Variants in VOPP1 observed in about 807,000 individuals in gnomAD.
VOPP1 encodes the protein WW domain binding protein VOPP1.
VOPP1 carries 8 observed loss-of-function variants against 23.5 expected under a neutral mutation model. That is an observed-to-expected ratio of 0.34 (90% CI 0.20 to 0.61). The LOEUF is 0.61. Among genes scored for constraint, VOPP1 ranks in the 20% least tolerant of loss-of-function variants. The pLI is 0.78. For synonymous variants in VOPP1, 83 were observed against 97.3 expected (o/e 0.85, Z 0.86); for missense variants, 174 against 238.1 (o/e 0.73, Z 1.77).
At chr7:55,532,384 G>A (rs951654911) in intron 1 of VOPP1, among the ~76,000 whole-genome samples, 1 of 152,194 alleles carries the variant, frequency 6.6e-6, no homozygotes, top group African/African-American at 2.4e-5. Flanking sequence ...ATGAAACAGT[G>A]TATGCGAACC....
intron 1 of VOPP1, among the ~76,000 whole-genome samples, chr7:55,558,235 A>C (rs745436259): frequency 1.1e-4 from 16 of 152,156 alleles, no homozygotes; most frequent in Non-Finnish European, 2.1e-4. Flanking sequence ...AATAATAACC[A>C]GACAGCAGGA....
Position 55,471,917 on chromosome 7 carries a change from C to T in VOPP1, c.*938G>A, listed in dbSNP as rs1791850458. 1 of 152,172 alleles carries T rather than the reference C, an allele frequency of 6.6e-6. No individual in the cohort carries two copies. The highest frequency in any genetic ancestry group is 2.4e-5 in the African/African-American group (1 of 41,404). The allele number at this position is 152,172 out of a possible 1,614,324, so 9.4% of individuals were successfully genotyped here. A position where few individuals can be genotyped will look rare whatever the true frequency, so the allele number is the denominator to read the frequency against. ...CCAGATGTGCCCCGTTTTGAAAGCACCCTTCAGAACCCACCACTGGAGCTG... is the reference window on the plus strand; with the variant it reads ...CCAGATGTGCCCCGTTTTGAAAGCATCCTTCAGAACCCACCACTGGAGCTG... On this transcript the variant is annotated 3_prime_UTR_variant, in exon 5 of 5. Coordinates refer to ENST00000285279, the MANE Select transcript of VOPP1 (RefSeq NM_030796.5).
At chr7:55,570,804 T>C (rs1175704098) in intron 1 of VOPP1, among the ~76,000 whole-genome samples, 1 of 151,992 alleles carries the variant, frequency 6.6e-6, no homozygotes, top group Non-Finnish European at 1.5e-5. Context: ...TAGCCGGGCA[T>C]AGTGGTGGGC....
chr7:55,436,617 AGTGTGTGTGT>A, intron 4 of VOPP1, among the ~76,000 whole-genome samples: 1 of 146,542 alleles, frequency 6.8e-6, no homozygotes, highest in African/African-American at 2.5e-5. Flanking sequence ...TGTGTGCATG[AGTGTGTGTGT>A]GTGCGTGTGT....
At chr7:55,536,255 G>A (rs1487680590) in intron 1 of VOPP1, among the ~76,000 whole-genome samples, 2 of 152,228 alleles carry the variant, frequency 1.3e-5, no homozygotes, top group African/African-American at 2.4e-5. Context: ...AAGGCCGGGC[G>A]TGGTGGCTCA....
chr7:55,464,474 A>T (rs1246202345), intron 4 of VOPP1, among the ~76,000 whole-genome samples: 1 of 152,036 alleles, frequency 6.6e-6, no homozygotes, highest in Non-Finnish European at 1.5e-5. Context: ...CTGCTGCTGG[A>T]AGTTGGGGGA....
intron 4 of VOPP1, among the ~76,000 whole-genome samples, chr7:55,440,732 C>T (rs1447708524): frequency 6.6e-6 from 1 of 152,252 alleles, no homozygotes; most frequent in Non-Finnish European, 1.5e-5. Context: ...TGGGCCTGCA[C>T]ACAGACCTGC....
intron 4 of VOPP1, among the ~76,000 whole-genome samples, chr7:55,458,017 G>C (rs1345172444): frequency 6.6e-6 from 1 of 152,068 alleles, no homozygotes; most frequent in Admixed American, 6.5e-5. Flanking sequence ...CCTATGTCCT[G>C]AAACATTTCC....
At chr7:55,474,334 A>C (rs1583840268) in intron 4 of VOPP1, among the ~76,000 whole-genome samples, 1 of 152,234 alleles carries the variant, frequency 6.6e-6, no homozygotes, top group African/African-American at 2.4e-5. Flanking sequence ...TGTTTTATTT[A>C]GATCTGGATC....
intron 4 of VOPP1, among the ~76,000 whole-genome samples, chr7:55,475,611 G>A (rs1272002005): frequency 6.6e-6 from 1 of 152,180 alleles, no homozygotes; most frequent in African/African-American, 2.4e-5. Flanking sequence ...ACAGCCAGGA[G>A]CAAGGGGACT....
At chr7:55,495,064 G>C (rs962640002) in intron 3 of VOPP1, among the ~76,000 whole-genome samples, 1 of 151,190 alleles carries the variant, frequency 6.6e-6, no homozygotes, top group South Asian at 2.1e-4. Context: ...CCCCAGCCCC[G>C]AGTGTAGCAG....
At chr7:55,448,198 G>T in intron 4 of VOPP1, among the ~76,000 whole-genome samples, 1 of 152,204 alleles carries the variant, frequency 6.6e-6, no homozygotes, top group South Asian at 2.1e-4. Flanking sequence ...GTGGATGTAC[G>T]TAAAACATAG....
intron 4 of VOPP1, among the ~76,000 whole-genome samples, chr7:55,454,715 T>G (rs1279903827): frequency 2.6e-5 from 4 of 152,196 alleles, no homozygotes; most frequent in East Asian, 1.9e-4. Context: ...ATTATCTCAA[T>G]AGATGCAGAA....
chr7:55,478,209 C>A (rs1041617134), intron 4 of VOPP1, among the ~76,000 whole-genome samples: 1 of 152,168 alleles, frequency 6.6e-6, no homozygotes, highest in Non-Finnish European at 1.5e-5. Flanking sequence ...AAAGACATTC[C>A]CACAAACCAC....
intron 2 of VOPP1, among the ~76,000 whole-genome samples, chr7:55,507,930 G>T (rs531107656): frequency 6.6e-6 from 1 of 152,284 alleles, no homozygotes; most frequent in African/African-American, 2.4e-5. Context: ...GAAGATGGCT[G>T]CCCTGTCAAT....
downstream of VOPP1, among the ~76,000 whole-genome samples, chr7:55,465,616 G>C (rs1041963310): frequency 1.3e-5 from 2 of 152,228 alleles, no homozygotes; most frequent in African/African-American, 4.8e-5. Flanking sequence ...GAATGAGAGA[G>C]AGCAGAGGAT....
chr7:55,515,636 A>G (rs1252100300), intron 2 of VOPP1, among the ~76,000 whole-genome samples: 1 of 152,184 alleles, frequency 6.6e-6, no homozygotes, highest in East Asian at 1.9e-4. Flanking sequence ...AGAAAACTGA[A>G]GCCGCAGGCT....
chr7:55,438,992 G>A (rs1195768397), intron 4 of VOPP1, among the ~76,000 whole-genome samples: 1 of 152,188 alleles, frequency 6.6e-6, no homozygotes, highest in East Asian at 1.9e-4. Context: ...ACAGGCTGAG[G>A]CATGCAGGTT....
Position 55,474,888 on chromosome 7 carries a change from C to A in VOPP1, c.329-1843G>T, listed in dbSNP as rs146530247. ...GGAAGATGCGGCAGGAGGTGGTGCA[C>A]CAGGAGCCAGGGCAGCAAGGGGTGG... On this transcript the variant is annotated intron_variant, in intron 4 of 4. Coordinates refer to ENST00000285279, the MANE Select transcript of VOPP1 (RefSeq NM_030796.5). 6.9e-4 allele frequency among the ~76,000 whole-genome samples: 105 copies of A among 152,276 alleles called. 1 individual carries two copies. In the East Asian group the frequency reaches 0.019, roughly 27 times the overall value.
Sources: gnomAD v4.1 joint callset for allele counts (sites outside exome capture counted in the v4.1 genomes callset) on GRCh38, gnomAD v4.1.1 for gene constraint, MANE v1.5 for transcripts, NCBI Gene and HGNC (gene_info 2026-07-23, HGNC 2026-07-21) for gene names.